The following DLEC1 variants were observed in gnomAD, a reference collection of about 807,000 sequenced individuals.
The protein encoded by DLEC1 is DLEC1 cilia and flagella associated protein, also known as deleted in lung and esophageal cancer protein 1.
A neutral mutation model predicts 198.1 loss-of-function variants in DLEC1; 146 were observed. That is an observed-to-expected ratio of 0.74 (90% confidence interval 0.64 to 0.85). The LOEUF (loss-of-function observed/expected upper bound fraction) is 0.85. Ranked by LOEUF, DLEC1 falls within the 40% of genes least tolerant of loss-of-function variation. DLEC1 has a pLI of 0.00. For missense variants in DLEC1, 2,233 were observed against 2,220.0 expected (o/e 1.01, Z -0.12); for synonymous variants, 897 against 866.8 (o/e 1.03, Z -0.61).
At chr3:38,072,436 C>T (rs1169273296) in intron 6 of DLEC1, among the ~76,000 whole-genome samples, 1 of 152,212 alleles carries the variant, frequency 6.6e-6, no homozygotes, top group Non-Finnish European at 1.5e-5. Flanking sequence ...AAAAAGGCTA[C>T]AGGACGCGAT....
In DLEC1 at chr3:38,045,691, C is replaced by T. The variant is rs1221320756; in HGVS notation, c.560C>T (p.Pro187Leu). 6.2e-7 allele frequency: 1 copy of T among 1,610,306 alleles called. No individual in the cohort carries two copies. The highest frequency in any genetic ancestry group is 1.1e-5 in the South Asian group (1 of 90,562). The stretch of plus-strand genomic sequence containing the variant: ...CTCGAGAGCCTTGTCAGGTTGCCTC[C>T]AGGTGTGTATAAAGAACTCCCACAT... Reference protein sequence around the residue: ...QDLESLVRLPPVKSVSRWCID... With the variant: ...QDLESLVRLPLVKSVSRWCID... Residue 187 changes from proline (P) to leucine (L), a missense_variant and splice_region_variant, in exon 2 of 37, where the codon CCA (proline) becomes CTA (leucine). Pro to Leu is a moderately conservative substitution (Grantham distance 98, BLOSUM62 -3). Coordinates refer to ENST00000308059, the MANE Select transcript of DLEC1 (RefSeq NM_007335.4).
At chr3:38,097,696 C>T (rs763310056) in intron 17 of DLEC1, 48 bp from the exon 18 acceptor site, 10 of 1,613,606 alleles carry the variant, frequency 6.2e-6, no homozygotes, top group Non-Finnish European at 8.5e-6. Context: ...GGCTGGGACA[C>T]TGAGCCATCC....
At chr3:38,080,803 T>TG (rs1697941182) in intron 6 of DLEC1, among the ~76,000 whole-genome samples, 1 of 29,538 alleles carries the variant, frequency 3.4e-5, no homozygotes, top group African/African-American at 1.2e-4. Context: ...TCGGGTGTTC[T>TG]TTTTTTTTTT....
At chr3:38,100,697 C>T (rs903416262) in intron 19 of DLEC1, among the ~76,000 whole-genome samples, 4 of 152,140 alleles carry the variant, frequency 2.6e-5, no homozygotes, top group Non-Finnish European at 4.4e-5. Context: ...TTCGAAACTA[C>T]GTTAGCATCA....
chr3:38,114,521 G>A (rs534673834), intron 26 of DLEC1, 61 bp downstream of exon 26: 66 of 1,547,882 alleles, frequency 4.3e-5, no homozygotes, highest in East Asian at 4.1e-4. Flanking sequence ...TCCGGCCTCC[G>A]GGCTGGGCTG....
At chr3:38,095,097 C>T (rs373605621) in intron 13 of DLEC1, 26 bp downstream of exon 13, 37 of 1,612,302 alleles carry the variant, frequency 2.3e-5, no homozygotes, top group Non-Finnish European at 3.1e-5. Context: ...TCTCAGTAGC[C>T]ACACATGGTT....
At position 38,097,868 on chromosome 3, in the gene DLEC1, A is replaced by T. The variant is rs371540648; in HGVS notation, c.2690A>T (p.Glu897Val). Residue 897 changes from glutamate to valine, a missense_variant, in exon 18 of 37, where the codon GAG becomes GTG. Physicochemically the swap from Glu to Val is moderately radical, Grantham distance 121 (BLOSUM62 -2). Transcript: ENST00000308059. Reference protein sequence around the residue: ...SQLPATWRMKESPVSLQERPE... With the variant: ...SQLPATWRMKVSPVSLQERPE... ...CTCCCAGCCACATGGCGCATGAAGG[A>T]GAGCCCAGTCTCCCTCCAGGAAAGG... is the stretch of plus-strand genomic sequence containing the variant. 3.1e-6 allele frequency: 5 copies of T among 1,614,102 alleles called. No individual in the cohort carries two copies. Among genetic ancestry groups the T allele is most frequent in the Non-Finnish European group, 4.2e-6 (5 of 1,180,056 alleles).
intron 19 of DLEC1, among the ~76,000 whole-genome samples, chr3:38,102,708 GC>G (rs59217470): frequency 0.088 from 13,412 of 152,210 alleles, 831 homozygotes; most frequent in African/African-American, 0.17. Flanking sequence ...AGAGCACACA[GC>G]TAGCCTGAAT....
At chr3:38,085,579 A>C in intron 8 of DLEC1, 132 bp downstream of exon 8, 3 of 1,051,126 alleles carry the variant, frequency 2.9e-6, no homozygotes, top group South Asian at 3.1e-5. Flanking sequence ...TGGGTCCTGC[A>C]GAGGAAACTG....
chr3:38,055,539 G>A (rs1254442732), intron 2 of DLEC1, among the ~76,000 whole-genome samples: 1 of 134,940 alleles, frequency 7.4e-6, no homozygotes, highest in Non-Finnish European at 1.6e-5. Flanking sequence ...ATCTGCTTAT[G>A]GTAAAGGCAT....
At chr3:38,059,912 C>A in intron 3 of DLEC1, 60 bp downstream of exon 3, 1 of 1,375,640 alleles carries the variant, frequency 7.3e-7, no homozygotes, top group Non-Finnish European at 1.0e-6. Context: ...AGTAGGGCCA[C>A]GTTGGCCACC....
chr3:38,123,239 G>T lies in DLEC1; in HGVS notation c.*827G>T. On this transcript the variant is annotated 3_prime_UTR_variant, in exon 37 of 37. Coordinates refer to ENST00000308059, the MANE Select transcript of DLEC1 (RefSeq NM_007335.4). ...GATGCAAAACCATCAGACCAGATCT[G>T]TGGGCAAGCGGTACCCTGGCCTCCC... The T allele has an allele frequency of 1.0e-6, 1 of 961,036 alleles. No individual in the cohort carries two copies. Among genetic ancestry groups the T allele is most frequent in the Non-Finnish European group, 1.6e-6 (1 of 612,830 alleles). 59.5% of individuals were successfully genotyped at this position (961,036 alleles called of 1,614,324 possible).
intron 33 of DLEC1, 140 bp downstream of exon 33, chr3:38,118,164 T>A: frequency 1.1e-6 from 1 of 941,228 alleles, no homozygotes; most frequent in East Asian, 2.6e-5. Context: ...GCATGAACAC[T>A]CGGGGGTGCA....
chr3:38,098,626 C>T (rs1408406793), intron 18 of DLEC1, among the ~76,000 whole-genome samples: 1 of 152,144 alleles, frequency 6.6e-6, no homozygotes, highest in Non-Finnish European at 1.5e-5. Flanking sequence ...TGCTTCCCAC[C>T]GAGGTCCCCA....
chr3:38,087,570 C>T (rs1263617148), intron 9 of DLEC1, among the ~76,000 whole-genome samples: 4 of 150,628 alleles, frequency 2.7e-5, no homozygotes, highest in African/African-American at 9.8e-5. Context: ...TCCATCAGCA[C>T]TGACACCATC....
intron 18 of DLEC1, among the ~76,000 whole-genome samples, 154 bp from the exon 19 acceptor site, chr3:38,100,132 T>C (rs1215140221): frequency 1.3e-5 from 2 of 152,184 alleles, no homozygotes; most frequent in African/African-American, 4.8e-5. Flanking sequence ...GTGGCTGTGG[T>C]CCCCCACCTG....
chr3:38,087,870 G>T (rs1409507605), intron 9 of DLEC1, among the ~76,000 whole-genome samples: 1 of 152,172 alleles, frequency 6.6e-6, no homozygotes. Context: ...GTCAGGGTTG[G>T]AGGCAGACAC....
At position 38,112,404 on chromosome 3, in the gene DLEC1, CT is replaced by C. The variant is rs779508483; in HGVS notation, c.3666+44del. 1 of 1,602,886 alleles carries C rather than the reference CT, an allele frequency of 6.2e-7. No individual in the cohort carries two copies. Among genetic ancestry groups the C allele is most frequent in the Non-Finnish European group, 8.5e-7 (1 of 1,171,384 alleles). ...GGCAGTGGCCTGGGGGGTGGAGAGTCTGCCCAGCCCTCGCCTTCAGCCTCTC... is the reference window on the plus strand; with the variant it reads ...GGCAGTGGCCTGGGGGGTGGAGAGTCGCCCAGCCCTCGCCTTCAGCCTCTC... On this transcript the variant is annotated intron_variant, in intron 25 of 36. Transcript: ENST00000308059. The surrounding 1 kb of genome is among the most constrained non-coding windows in gnomAD (Gnocchi z 4.8).
At position 38,075,984 on chromosome 3, in the gene DLEC1, A is replaced by G. The variant is rs113863864; in HGVS notation, c.1174-8174A>G. 7.5e-3 allele frequency among the ~76,000 whole-genome samples: 1,145 copies of G among 152,286 alleles called. 15 individuals are homozygous for G. Among genetic ancestry groups the G allele is most frequent in the African/African-American group, 0.025 (1,059 of 41,540 alleles). ...TGACACCTCTGAAACGTGGGTGAAT[A>G]ATCAGAGAGGCATCCCTGCAATGAT... On this transcript the variant is annotated intron_variant, in intron 6 of 36. Transcript: ENST00000308059.
Sources: allele counts gnomAD v4.1 joint callset (sites outside exome capture counted in the v4.1 genomes callset), GRCh38; gene constraint gnomAD v4.1.1; non-coding constraint Gnocchi (gnomAD v3.1); transcripts MANE v1.5; gene names NCBI Gene and HGNC (gene_info 2026-07-23, HGNC 2026-07-21).